KLHDC10: variants seen among roughly 807,000 people sequenced by gnomAD.
KLHDC10 encodes kelch domain containing 10, also known as kelch domain-containing protein 10.
Under a neutral mutation model 56.1 loss-of-function variants are expected in KLHDC10, and 24 were observed. The ratio of observed to expected loss-of-function variants is 0.43; its 90% CI spans 0.31 to 0.60. The LOEUF (loss-of-function observed/expected upper bound fraction) is 0.60. KLHDC10 is among the 20% of genes least tolerant of loss of function. The probability of loss-of-function intolerance (pLI) is 0.11; values close to 1 mark genes in which losing one functional copy is unlikely to be tolerated. For missense variants in KLHDC10, 349 were observed against 567.0 expected, an observed-to-expected ratio of 0.62 and a Z score of 3.91; for synonymous variants, 188 against 207.1, an observed-to-expected ratio of 0.91 and a Z score of 0.79.
chr7:130,128,919 T>TATATATATATATATATAC lies in KLHDC10; in HGVS notation c.980-517_980-516insTATATATATATATATACA, dbSNP rs1292651924. On this transcript the variant is annotated intron_variant, in intron 8 of 9. Coordinates refer to ENST00000335420, the MANE Select transcript of KLHDC10 (RefSeq NM_014997.4). The stretch of plus-strand genomic sequence containing the variant: ...ATATATATATATATATATATATATA[T>TATATATATATATATATAC]ACATACTAGCCAAAACTTAAAAATC... Among the ~76,000 whole-genome samples, 178 of 115,564 alleles carry TATATATATATATATATAC rather than the reference T, an allele frequency of 1.5e-3. 3 individuals are homozygous for TATATATATATATATATAC. Among genetic ancestry groups the TATATATATATATATATAC allele is most frequent in the African/African-American group, 4.0e-3 (115 of 28,502 alleles). The allele number at this position is 115,564 out of a possible 152,430, so 75.8% of individuals were successfully genotyped here. A position where few individuals can be genotyped will look rare whatever the true frequency, so the allele number is the denominator to read the frequency against.
rs746708270 is a variant in KLHDC10 at position 130,122,048 on chromosome 7, A to C, written c.631-6A>C. 22 of 1,609,794 alleles carry C rather than the reference A, an allele frequency of 1.4e-5. No individual in the cohort carries two copies. The Admixed American group carries it at 3.7e-4, about 27-fold the overall frequency. On this transcript the variant is annotated splice_polypyrimidine_tract_variant and splice_region_variant and intron_variant, in intron 4 of 9. Coordinates refer to ENST00000335420, the MANE Select transcript of KLHDC10 (RefSeq NM_014997.4). ...TCGGTCTTATTCACCTTTCCTTGTT[A>C]TCCAGGCTATGGCCATCATCAATGG...
chr7:130,113,162 C>T (rs1220164036), intron 2 of KLHDC10, among the ~76,000 whole-genome samples: 1 of 152,074 alleles, frequency 6.6e-6, no homozygotes, highest in Non-Finnish European at 1.5e-5. Context: ...GTTTGGACCA[C>T]CCACATTTCA....
At chr7:130,100,277 A>G (rs768305208) in intron 2 of KLHDC10, among the ~76,000 whole-genome samples, 21 of 152,070 alleles carry the variant, frequency 1.4e-4, no homozygotes, top group Non-Finnish European at 2.6e-4. Flanking sequence ...TTCCAGGGAA[A>G]CTTCCTTGGC....
chr7:130,070,881 G>GC, intron 1 of KLHDC10, 72 bp downstream of exon 1: 1 of 1,171,734 alleles, frequency 8.5e-7, no homozygotes, highest in Non-Finnish European at 1.1e-6. Flanking sequence ...TTTCTCCCTG[G>GC]CTTGCTTTTC....
intron 1 of KLHDC10, among the ~76,000 whole-genome samples, chr7:130,078,612 G>A (rs1172915977): frequency 2.0e-5 from 3 of 151,714 alleles, no homozygotes; most frequent in Non-Finnish European, 4.4e-5. Flanking sequence ...TCTGCCTCCC[G>A]GGTTCACGCC....
At chr7:130,096,213 G>A (rs987047412) in intron 1 of KLHDC10, among the ~76,000 whole-genome samples, 6 of 152,058 alleles carry the variant, frequency 3.9e-5, no homozygotes, top group African/African-American at 9.7e-5. Context: ...ATTTGGGAGC[G>A]ATCAAAACTT....
intron 2 of KLHDC10, among the ~76,000 whole-genome samples, chr7:130,102,227 T>G (rs1274051507): frequency 6.6e-6 from 1 of 152,156 alleles, no homozygotes; most frequent in Non-Finnish European, 1.5e-5. Flanking sequence ...GCCACTTACC[T>G]GCAGAGACCC....
chr7:130,118,725 C>A (rs899756811), intron 3 of KLHDC10, among the ~76,000 whole-genome samples: 1 of 152,086 alleles, frequency 6.6e-6, no homozygotes, highest in Non-Finnish European at 1.5e-5. Context: ...TACTCAGAGG[C>A]CATTGTAAGG....
intron 8 of KLHDC10, among the ~76,000 whole-genome samples, chr7:130,128,889 A>AAAAAAAAAAAAAATATATATATATAT: frequency 9.0e-5 from 6 of 66,950 alleles, no homozygotes; most frequent in Non-Finnish European, 1.7e-4. Flanking sequence ...AAAAAAAAAA[A>AAAAAAAAAAAAAATATATATATATAT]ATATATATAT....
intron 2 of KLHDC10, among the ~76,000 whole-genome samples, chr7:130,101,983 A>AG (rs1446900821): frequency 2.0e-5 from 3 of 150,682 alleles, no homozygotes; most frequent in Non-Finnish European, 4.4e-5. Flanking sequence ...AAAAAAAAAA[A>AG]AAAAAAAAAA....
intron 1 of KLHDC10, among the ~76,000 whole-genome samples, chr7:130,085,511 T>C: frequency 6.6e-6 from 1 of 151,194 alleles, no homozygotes; most frequent in East Asian, 2.0e-4. Context: ...GAGGTTACCT[T>C]GTCGAGAGCA....
chr7:130,094,333 A>G (rs6945486), intron 1 of KLHDC10, among the ~76,000 whole-genome samples: 73,206 of 152,018 alleles, frequency 0.48, 18,310 homozygotes, highest in African/African-American at 0.61. Context: ...AACGTAAAAG[A>G]GGTAATAATC....
At chr7:130,098,341 A>C (rs532803773) in intron 2 of KLHDC10, among the ~76,000 whole-genome samples, 11 of 152,208 alleles carry the variant, frequency 7.2e-5, no homozygotes, top group South Asian at 6.2e-4. Context: ...AAAAATACAA[A>C]AATTAGCTGG....
chr7:130,119,540 A>T (rs1796219137), intron 3 of KLHDC10, among the ~76,000 whole-genome samples: 2 of 120,008 alleles, frequency 1.7e-5, no homozygotes, highest in Non-Finnish European at 3.6e-5. Context: ...AAAGAGTTAA[A>T]AAAAAAAAAA....
rs1180426804 is a variant in KLHDC10 at position 130,132,022 on chromosome 7, C to T, written c.*1276C>T. ...GGAAGGAATGAAACTGAGTAGCATT[C>T]ATTTTGTGTGTGTGAAATTTTAGTT... On this transcript the variant is annotated 3_prime_UTR_variant, in exon 10 of 10. Transcript: ENST00000335420. 1 of 151,880 alleles carries T rather than the reference C, an allele frequency of 6.6e-6. No individual in the cohort carries two copies. Among genetic ancestry groups the T allele is most frequent in the African/African-American group, 2.4e-5 (1 of 41,346 alleles). The allele number at this position is 151,880 out of a possible 1,614,324, so 9.4% of individuals were successfully genotyped here.
intron 2 of KLHDC10, among the ~76,000 whole-genome samples, chr7:130,113,629 G>A (rs1360218430): frequency 6.6e-6 from 1 of 151,624 alleles, no homozygotes; most frequent in Non-Finnish European, 1.5e-5. Flanking sequence ...CACCATGCCT[G>A]GCCCAATATT....
At chr7:130,090,851 G>C (rs1412626238) in intron 1 of KLHDC10, among the ~76,000 whole-genome samples, 1 of 151,562 alleles carries the variant, frequency 6.6e-6, no homozygotes. Context: ...CCACAGTCAA[G>C]ATACAGAACA....
At chr7:130,119,138 G>A (rs1301901193) in intron 3 of KLHDC10, among the ~76,000 whole-genome samples, 1 of 151,464 alleles carries the variant, frequency 6.6e-6, no homozygotes, top group African/African-American at 2.4e-5. Flanking sequence ...AAGCCCAGGA[G>A]TTCAAGGCTG....
chr7:130,124,586 G>A (rs1181916751), intron 6 of KLHDC10, 51 bp downstream of exon 6: 1 of 938,006 alleles, frequency 1.1e-6, no homozygotes, highest in Non-Finnish European at 1.7e-6. Context: ...ATAGAAGGAG[G>A]CTTGCGTCAA....
Sources: gnomAD v4.1 joint callset for allele counts (sites outside exome capture counted in the v4.1 genomes callset) on GRCh38, gnomAD v4.1.1 for gene constraint, MANE v1.5 for transcripts, NCBI Gene and HGNC (gene_info 2026-07-23, HGNC 2026-07-21) for gene names.